Variants in PHLPP2 observed in about 807,000 individuals in gnomAD.
PHLPP2 encodes PH domain leucine-rich repeat-containing protein phosphatase 2.
Under a neutral mutation model 124.9 loss-of-function variants are expected in PHLPP2, and 66 were observed. That is an observed-to-expected ratio of 0.53 (90% CI 0.43 to 0.65). The LOEUF is 0.65. PHLPP2 is among the 30% of genes least tolerant of loss of function. PHLPP2 has a pLI of 0.00. For synonymous variants in PHLPP2, 681 were observed against 624.7 expected (o/e 1.09, Z -1.34); for missense variants, 1,685 against 1,600.4 (o/e 1.05, Z -0.90).
intron 18 of PHLPP2, among the ~76,000 whole-genome samples, chr16:71,651,098 G>C (rs1331086590): frequency 6.6e-6 from 1 of 152,172 alleles, no homozygotes; most frequent in African/African-American, 2.4e-5. Context: ...CTAGCACTTT[G>C]GGAGGCCGAG....
chr16:71,704,938 G>C (rs1333091688), intron 2 of PHLPP2, among the ~76,000 whole-genome samples: 1 of 152,110 alleles, frequency 6.6e-6, no homozygotes, highest in Non-Finnish European at 1.5e-5. Context: ...AGGAGAGTAA[G>C]GATATAAAGA....
chr16:71,653,693 T>C (rs1046628276), intron 17 of PHLPP2, among the ~76,000 whole-genome samples: 2 of 152,204 alleles, frequency 1.3e-5, no homozygotes, highest in Non-Finnish European at 2.9e-5. Flanking sequence ...ATAAAATATA[T>C]AGCATGGAAA....
At chr16:71,705,184 CA>C (rs1597014974) in intron 2 of PHLPP2, among the ~76,000 whole-genome samples, 1 of 152,262 alleles carries the variant, frequency 6.6e-6, no homozygotes, top group East Asian at 1.9e-4. Flanking sequence ...CAAACGGGGC[CA>C]GATGATCTTC....
At chr16:71,672,417 G>A in intron 9 of PHLPP2, 95 bp from the exon 10 acceptor site, 2 of 864,996 alleles carry the variant, frequency 2.3e-6, no homozygotes, top group Non-Finnish European at 3.8e-6. Flanking sequence ...AATCACCAGA[G>A]AGAAAACTGA....
chr16:71,669,104 C>A (rs976474640), intron 11 of PHLPP2, among the ~76,000 whole-genome samples, 171 bp downstream of exon 11: 8 of 152,190 alleles, frequency 5.3e-5, no homozygotes, highest in African/African-American at 1.4e-4. Context: ...GCAAGCCAAG[C>A]CCATGCTTTA....
At chr16:71,656,766 T>C in intron 15 of PHLPP2, 85 bp from the exon 16 acceptor site, 1 of 803,258 alleles carries the variant, frequency 1.2e-6, no homozygotes, top group African/African-American at 1.7e-5. Context: ...TTTTTTTTTT[T>C]TGAGATGGAG....
At position 71,678,868 on chromosome 16, in the gene PHLPP2, C is replaced by G; in HGVS notation, c.1155G>C (p.Glu385Asp). 6.2e-7 allele frequency: 1 copy of G among 1,612,204 alleles called. No homozygotes were observed. Among genetic ancestry groups the G allele is most frequent in the Non-Finnish European group, 8.5e-7 (1 of 1,178,346 alleles). Reference sequence around the variant, plus strand: ...CTAACATAGTGAGTTTCTCATAAACCTCAGGAATTTGACTAAAGTTGTTGA... The same window carrying G: ...CTAACATAGTGAGTTTCTCATAAACGTCAGGAATTTGACTAAAGTTGTTGA... The part of the protein sequence containing the change: ...ISFNNFSQIP[E>D]VYEKLTMLDR... Residue 385 changes from glutamate to aspartate, a missense_variant, in exon 8 of 19, where the codon GAG becomes GAC. Transcript: ENST00000568954.
In PHLPP2 at chr16:71,646,268, A is replaced by T. The variant is rs1446343196; in HGVS notation, c.*2622T>A. 6.6e-6 allele frequency: 1 copy of T among 152,256 alleles called. No homozygotes were observed. The highest frequency in any genetic ancestry group is 1.5e-5 in the Non-Finnish European group (1 of 68,034). The allele number at this position is 152,256 out of a possible 1,614,324, so 9.4% of individuals were successfully genotyped here. A position where few individuals can be genotyped will look rare whatever the true frequency, so the allele number is the denominator to read the frequency against. On this transcript the variant is annotated 3_prime_UTR_variant, in exon 19 of 19. Transcript: ENST00000568954. Reference sequence around the variant, plus strand: ...GGCTATGGCCTTTTTACCCTGTTTTAATACAGAGCAACTGCAGAAGGACAT... The same window carrying T: ...GGCTATGGCCTTTTTACCCTGTTTTTATACAGAGCAACTGCAGAAGGACAT...
At chr16:71,650,113 A>C in intron 18 of PHLPP2, 69 bp from the exon 19 acceptor site, 1 of 1,208,348 alleles carries the variant, frequency 8.3e-7, no homozygotes, top group Non-Finnish European at 1.2e-6. Flanking sequence ...TTTCTAGATC[A>C]CAGTGCTTAG....
rs531093398 is a variant in PHLPP2 at position 71,646,741 on chromosome 16, C to A, written c.*2149G>T. The A allele has an allele frequency of 1.3e-5, 2 of 152,148 alleles. No individual in the cohort carries two copies. The highest frequency in any genetic ancestry group is 4.8e-5 in the African/African-American group (2 of 41,516). The allele number at this position is 152,148 out of a possible 1,614,324, so 9.4% of individuals were successfully genotyped here. On this transcript the variant is annotated 3_prime_UTR_variant, in exon 19 of 19. Coordinates refer to ENST00000568954, the MANE Select transcript of PHLPP2 (RefSeq NM_015020.3). Reference sequence around the variant, plus strand: ...CCCATATAAAAATAAGGTGGCAAAACACTCTTGTTCCCATCTTTCTAACAG... The same window carrying A: ...CCCATATAAAAATAAGGTGGCAAAAAACTCTTGTTCCCATCTTTCTAACAG...
intron 2 of PHLPP2, among the ~76,000 whole-genome samples, chr16:71,704,852 T>A (rs2045262254): frequency 6.6e-6 from 1 of 152,152 alleles, no homozygotes; most frequent in African/African-American, 2.4e-5. Context: ...GGGGGACTTT[T>A]AATAAACTGC....
At chr16:71,660,291 G>A (rs554557767) in intron 13 of PHLPP2, among the ~76,000 whole-genome samples, 10 of 143,698 alleles carry the variant, frequency 7.0e-5, no homozygotes, top group South Asian at 2.3e-4. Flanking sequence ...CAGGTCAGTC[G>A]CTTGAGCCCA....
At chr16:71,668,185 G>A (rs2145323291) in intron 11 of PHLPP2, among the ~76,000 whole-genome samples, 1 of 151,918 alleles carries the variant, frequency 6.6e-6, no homozygotes, top group East Asian at 1.9e-4. Context: ...GCAGAGGCGG[G>A]CAGATCACAA....
At chr16:71,695,377 T>C (rs966091191) in intron 3 of PHLPP2, among the ~76,000 whole-genome samples, 2 of 152,132 alleles carry the variant, frequency 1.3e-5, no homozygotes, top group Admixed American at 6.5e-5. Flanking sequence ...ACACAGACTA[T>C]AATGCATACA....
intron 16 of PHLPP2, among the ~76,000 whole-genome samples, chr16:71,656,144 T>A (rs2044740388): frequency 6.6e-6 from 1 of 152,144 alleles, no homozygotes; most frequent in South Asian, 2.1e-4. Context: ...TACAGGTAAG[T>A]CTTGCTGAAA....
intron 3 of PHLPP2, among the ~76,000 whole-genome samples, chr16:71,691,212 G>T (rs552296736): frequency 7.0e-4 from 106 of 152,150 alleles, no homozygotes; most frequent in Non-Finnish European, 1.3e-3. Context: ...CCAGCACTTT[G>T]GGGGGGCCAA....
chr16:71,678,679 CA>C, intron 8 of PHLPP2, 75 bp downstream of exon 8: 1 of 832,190 alleles, frequency 1.2e-6, no homozygotes, highest in South Asian at 1.5e-5. Context: ...ATGTTTTAAA[CA>C]AATCTTCATA....
chr16:71,687,180 T>G (rs529291925), intron 4 of PHLPP2, among the ~76,000 whole-genome samples: 1 of 152,344 alleles, frequency 6.6e-6, no homozygotes, highest in South Asian at 2.1e-4. Context: ...AGGTTGAAGA[T>G]CTTTTCATGT....
chr16:71,704,880 A>G (rs1008071126), intron 2 of PHLPP2, among the ~76,000 whole-genome samples: 8 of 152,314 alleles, frequency 5.3e-5, no homozygotes, highest in African/African-American at 1.9e-4. Context: ...AGAGAGGTCA[A>G]CTAACCATAT....
Sources: gnomAD v4.1 joint callset for allele counts (sites outside exome capture counted in the v4.1 genomes callset) on GRCh38, gnomAD v4.1.1 for gene constraint, MANE v1.5 for transcripts, NCBI Gene and HGNC (gene_info 2026-07-23, HGNC 2026-07-21) for gene names.